The following CEP170 variants were observed in gnomAD, a reference collection of about 807,000 sequenced individuals.
CEP170 encodes centrosomal protein of 170 kDa.
In CEP170, 21 loss-of-function variants were observed where a neutral mutation model predicts 151.9. The ratio of observed to expected loss-of-function variants is 0.14; its 90% CI spans 0.10 to 0.20. The LOEUF (loss-of-function observed/expected upper bound fraction) is 0.20. CEP170 is among the 10% of genes least tolerant of loss of function. The pLI, the probability that CEP170 is intolerant of heterozygous loss-of-function variation, is 1.00. For synonymous variants in CEP170, 356 were observed against 648.8 expected (o/e 0.55, Z 6.86); for missense variants, 964 against 1,892.9 (o/e 0.51, Z 9.11).
intron 6 of CEP170, among the ~76,000 whole-genome samples, chr1:243,200,048 C>T (rs1479285071): frequency 1.3e-5 from 2 of 151,880 alleles, no homozygotes; most frequent in South Asian, 4.2e-4. Context: ...CACTACATTC[C>T]AAAATGCAAG....
intron 4 of CEP170, among the ~76,000 whole-genome samples, chr1:243,205,011 AGCAAGAGT>A (rs2061318105): frequency 6.6e-6 from 1 of 152,168 alleles, no homozygotes; most frequent in African/African-American, 2.4e-5. Flanking sequence ...AGGGCAACAA[AGCAAGAGT>A]CCAATCACTG....
intron 1 of CEP170, among the ~76,000 whole-genome samples, chr1:243,235,988 C>T (rs1024589999): frequency 3.9e-5 from 6 of 152,158 alleles, no homozygotes; most frequent in Non-Finnish European, 8.8e-5. Context: ...TTTTGTAGAA[C>T]TGTACTACCC....
intron 1 of CEP170, among the ~76,000 whole-genome samples, chr1:243,244,686 C>T (rs2065193742): frequency 6.6e-6 from 1 of 151,972 alleles, no homozygotes; most frequent in Admixed American, 6.6e-5. Context: ...ATCGAGGCTG[C>T]AGTGAATGGA....
At chr1:243,241,130 G>A (rs776720246) in intron 1 of CEP170, among the ~76,000 whole-genome samples, 10 of 152,138 alleles carry the variant, frequency 6.6e-5, no homozygotes, top group Non-Finnish European at 7.4e-5. Context: ...GGGTGCCTCC[G>A]AACATAAAAA....
At position 243,232,830 on chromosome 1, in the gene CEP170, A is replaced by G. The variant is rs189082869; in HGVS notation, c.-41-7509T>C. Among the ~76,000 whole-genome samples, 223 of 152,344 alleles carry G rather than the reference A, an allele frequency of 1.5e-3. 1 individual carries two copies. The highest frequency in any genetic ancestry group is 5.0e-3 in the African/African-American group (207 of 41,578). Reference sequence around the variant, plus strand: ...CATGGATGGTGACGGTAGGGATGGTATCATTCTAAACCAGCACAGAGCTGA... The same window carrying G: ...CATGGATGGTGACGGTAGGGATGGTGTCATTCTAAACCAGCACAGAGCTGA... On this transcript the variant is annotated intron_variant, in intron 1 of 19. Coordinates refer to ENST00000366542, the MANE Select transcript of CEP170 (RefSeq NM_014812.3).
At chr1:243,230,187 T>C (rs2063613947) in intron 1 of CEP170, among the ~76,000 whole-genome samples, 1 of 150,718 alleles carries the variant, frequency 6.6e-6, no homozygotes, top group South Asian at 2.1e-4. Flanking sequence ...CTCATATCTA[T>C]GAAAAATAAA....
intron 1 of CEP170, among the ~76,000 whole-genome samples, chr1:243,247,537 A>G (rs1007831575): frequency 8.5e-5 from 13 of 152,260 alleles, no homozygotes; most frequent in Admixed American, 7.2e-4. Context: ...TATTTTTAGT[A>G]GAGACGGGGT....
At chr1:243,245,772 A>C (rs1448175377) in intron 1 of CEP170, among the ~76,000 whole-genome samples, 4 of 151,860 alleles carry the variant, frequency 2.6e-5, no homozygotes, top group Non-Finnish European at 5.9e-5. Context: ...AAAAAAACAC[A>C]AAAAAGAAAA....
chr1:243,163,552 A>G (rs532080318), intron 13 of CEP170, among the ~76,000 whole-genome samples: 40 of 152,330 alleles, frequency 2.6e-4, no homozygotes, highest in Admixed American at 7.2e-4. Flanking sequence ...ATTATATTCA[A>G]TTACACCTAA....
intron 2 of CEP170, among the ~76,000 whole-genome samples, chr1:243,222,834 G>T (rs963286927): frequency 4.6e-5 from 7 of 152,146 alleles, no homozygotes; most frequent in African/African-American, 1.7e-4. Context: ...CAAATACAGA[G>T]AGAATCACAG....
At chr1:243,139,626 A>AT (rs1224266743) in intron 16 of CEP170, among the ~76,000 whole-genome samples, 4 of 152,114 alleles carry the variant, frequency 2.6e-5, no homozygotes, top group Non-Finnish European at 5.9e-5. Context: ...ATTGAAAGAT[A>AT]TTTGTCTGTA....
At chr1:243,230,216 T>C (rs1193722499) in intron 1 of CEP170, among the ~76,000 whole-genome samples, 1 of 151,168 alleles carries the variant, frequency 6.6e-6, no homozygotes, top group Non-Finnish European at 1.5e-5. Flanking sequence ...TAGCTGGGCA[T>C]GGTGGCATCC....
At chr1:243,249,401 GA>G (rs1252713381) in intron 1 of CEP170, among the ~76,000 whole-genome samples, 2 of 150,748 alleles carry the variant, frequency 1.3e-5, no homozygotes, top group African/African-American at 4.9e-5. Context: ...CTGGGCGACA[GA>G]ACAAGACTCT....
chr1:243,239,087 T>C (rs1198191159), intron 1 of CEP170, among the ~76,000 whole-genome samples: 1 of 152,238 alleles, frequency 6.6e-6, no homozygotes, highest in Admixed American at 6.5e-5. Flanking sequence ...TAATTTCAAG[T>C]CAAAACCTTT....
At chr1:243,197,353 CAT>C (rs1345029439) in intron 7 of CEP170, among the ~76,000 whole-genome samples, 2 of 150,830 alleles carry the variant, frequency 1.3e-5, no homozygotes, top group African/African-American at 4.8e-5. Flanking sequence ...TCTTTCCTGA[CAT>C]AGATCATGTG....
chr1:243,254,875 G>A (rs956350123), intron 1 of CEP170, among the ~76,000 whole-genome samples, 165 bp downstream of exon 1: 2 of 151,816 alleles, frequency 1.3e-5, no homozygotes, highest in Non-Finnish European at 2.9e-5. Context: ...GCGCCGCGCG[G>A]AGCACCCGGG....
chr1:243,225,986 T>TATATACACGTATATATATCTAG (rs2063192851), intron 1 of CEP170, among the ~76,000 whole-genome samples: 1 of 145,822 alleles, frequency 6.9e-6, no homozygotes, highest in African/African-American at 2.7e-5. Context: ...TATCTATCTA[T>TATATACACGTATATATATCTAG]ATATATACAC....
intron 4 of CEP170, among the ~76,000 whole-genome samples, chr1:243,203,518 G>A (rs1272477549): frequency 3.3e-5 from 5 of 152,046 alleles, no homozygotes; most frequent in Admixed American, 2.0e-4. Context: ...TTTAAACAGC[G>A]TTAGTTATTC....
chr1:243,146,552 A>G (rs1348526116), intron 14 of CEP170, among the ~76,000 whole-genome samples: 1 of 151,984 alleles, frequency 6.6e-6, no homozygotes, highest in Non-Finnish European at 1.5e-5. Context: ...ATTTTGTTTC[A>G]TTAAGTATTT....
Sources: allele counts gnomAD v4.1 joint callset (sites outside exome capture counted in the v4.1 genomes callset), GRCh38; gene constraint gnomAD v4.1.1; transcripts MANE v1.5; gene names NCBI Gene and HGNC (gene_info 2026-07-23, HGNC 2026-07-21).